The following GPR158 variants were observed in gnomAD, a reference collection of about 807,000 sequenced individuals.
GPR158 encodes the protein metabotropic glycine receptor.
In GPR158, 30 loss-of-function variants were observed where a neutral mutation model predicts 78.2. The observed-to-expected ratio is 0.38, with a 90% CI of 0.29 to 0.52. GPR158 has a LOEUF of 0.52. Among genes scored for constraint, GPR158 ranks in the 20% least tolerant of loss-of-function variants. The pLI, the probability that GPR158 is intolerant of heterozygous loss-of-function variation, is 0.83. For missense variants in GPR158, 1,463 were observed against 1,523.5 expected (o/e 0.96, Z 0.66); for synonymous variants, 581 against 591.1 (o/e 0.98, Z 0.25).
chr10:25,426,510 A>G (rs1423692513), intron 4 of GPR158, among the ~76,000 whole-genome samples: 3 of 152,072 alleles, frequency 2.0e-5, no homozygotes, highest in Non-Finnish European at 4.4e-5. Flanking sequence ...AGACCATTGT[A>G]TGGTTATTAA....
At chr10:25,578,859 A>T (rs1023647198) in intron 7 of GPR158, among the ~76,000 whole-genome samples, 2 of 151,968 alleles carry the variant, frequency 1.3e-5, no homozygotes, top group African/African-American at 4.8e-5. Flanking sequence ...TACAAAAAAA[A>T]TTAGCTGGGC....
intron 2 of GPR158, among the ~76,000 whole-genome samples, chr10:25,229,944 C>G (rs1007418516): frequency 2.0e-5 from 3 of 152,024 alleles, no homozygotes; most frequent in Non-Finnish European, 4.4e-5. Flanking sequence ...AAGTCTAAGG[C>G]TATATATTAG....
intron 1 of GPR158, among the ~76,000 whole-genome samples, chr10:25,214,019 G>A (rs1853170861): frequency 1.3e-5 from 2 of 151,998 alleles, no homozygotes; most frequent in African/African-American, 4.8e-5. Flanking sequence ...TTTTGAGATG[G>A]AGTCTCGCTC....
At chr10:25,211,798 T>C (rs1343940433) in intron 1 of GPR158, among the ~76,000 whole-genome samples, 1 of 152,222 alleles carries the variant, frequency 6.6e-6, no homozygotes, top group East Asian at 1.9e-4. Context: ...TGGGTAGTGA[T>C]CCACTTATTA....
chr10:25,535,797 C>T (rs527402994), intron 5 of GPR158, among the ~76,000 whole-genome samples: 4 of 152,150 alleles, frequency 2.6e-5, no homozygotes, highest in African/African-American at 9.7e-5. Context: ...CTCTCTATAC[C>T]CCATTCTCAA....
chr10:25,349,344 C>T (rs1362805397), intron 2 of GPR158, among the ~76,000 whole-genome samples: 1 of 151,974 alleles, frequency 6.6e-6, no homozygotes, highest in Non-Finnish European at 1.5e-5. Context: ...CTCAACTCCT[C>T]ATCTCAAGAT....
chr10:25,400,388 T>A (rs910667536), intron 3 of GPR158, among the ~76,000 whole-genome samples: 2 of 152,274 alleles, frequency 1.3e-5, no homozygotes, highest in African/African-American at 4.8e-5. Flanking sequence ...GACTTAAAAA[T>A]TCTGTTAAAA....
chr10:25,328,927 CAAAAA>C (rs3054026), intron 2 of GPR158, among the ~76,000 whole-genome samples: 36,491 of 89,050 alleles, frequency 0.41, 3,387 homozygotes, highest in Middle Eastern at 0.53. Context: ...AACTTCATCA[CAAAAA>C]AAAAAAAAAA....
intron 4 of GPR158, among the ~76,000 whole-genome samples, chr10:25,434,393 ATATGC>A (rs1834968667): frequency 1.3e-5 from 2 of 152,220 alleles, no homozygotes; most frequent in African/African-American, 2.4e-5. Flanking sequence ...TACTTATCAA[ATATGC>A]TAAAAAAGAG....
chr10:25,340,993 T>C (rs1855295258), intron 2 of GPR158, among the ~76,000 whole-genome samples: 1 of 152,016 alleles, frequency 6.6e-6, no homozygotes, highest in South Asian at 2.1e-4. Context: ...TTTTAGGAGC[T>C]ATAGTAAGAG....
At chr10:25,555,689 A>G (rs568419275) in intron 6 of GPR158, among the ~76,000 whole-genome samples, 2 of 152,254 alleles carry the variant, frequency 1.3e-5, no homozygotes, top group South Asian at 4.1e-4. Context: ...CCTATTTCCT[A>G]TAATATGGTT....
At chr10:25,373,561 G>A (rs528536235) in intron 2 of GPR158, among the ~76,000 whole-genome samples, 4 of 151,790 alleles carry the variant, frequency 2.6e-5, no homozygotes, top group South Asian at 4.2e-4. Flanking sequence ...TGAATTTAGG[G>A]CGATAAATTT....
intron 1 of GPR158, among the ~76,000 whole-genome samples, chr10:25,199,285 T>C (rs1303957583): frequency 1.3e-5 from 2 of 152,102 alleles, no homozygotes; most frequent in African/African-American, 2.4e-5. Context: ...TAGTACCTGA[T>C]AGGTAGTTTT....
intron 5 of GPR158, among the ~76,000 whole-genome samples, chr10:25,484,888 G>C (rs1052346924): frequency 1.3e-5 from 2 of 152,168 alleles, no homozygotes; most frequent in African/African-American, 4.8e-5. Flanking sequence ...TTAATTAAAA[G>C]GCTAACAATC....
chr10:25,381,903 C>T (rs1272316029), intron 2 of GPR158, among the ~76,000 whole-genome samples: 1 of 152,118 alleles, frequency 6.6e-6, no homozygotes, highest in Admixed American at 6.5e-5. Flanking sequence ...ATAACAGGTC[C>T]AATTTTTGTT....
chr10:25,285,408 G>A (rs1471809717), intron 2 of GPR158, among the ~76,000 whole-genome samples: 1 of 152,060 alleles, frequency 6.6e-6, no homozygotes, highest in East Asian at 1.9e-4. Context: ...TGTTCTCTAA[G>A]CTGGAGACCC....
At chr10:25,495,733 T>C (rs1451347064) in intron 5 of GPR158, among the ~76,000 whole-genome samples, 1 of 152,184 alleles carries the variant, frequency 6.6e-6, no homozygotes, top group African/African-American at 2.4e-5. Context: ...CAGAGATTAG[T>C]GGAGATTCCC....
At chr10:25,266,765 G>A (rs1384962050) in intron 2 of GPR158, among the ~76,000 whole-genome samples, 1 of 152,052 alleles carries the variant, frequency 6.6e-6, no homozygotes, top group Admixed American at 6.6e-5. Context: ...AATGCTGTGA[G>A]CAGTTTTATA....
chr10:25,206,159 G>A (rs879272871), intron 1 of GPR158, among the ~76,000 whole-genome samples: 2 of 151,846 alleles, frequency 1.3e-5, no homozygotes, highest in East Asian at 3.9e-4. Flanking sequence ...CTAATTTTTT[G>A]TATTTTTTTA....
Sources: allele counts gnomAD v4.1 joint callset (sites outside exome capture counted in the v4.1 genomes callset), GRCh38; gene constraint gnomAD v4.1.1; transcripts MANE v1.5; gene names NCBI Gene and HGNC (gene_info 2026-07-23, HGNC 2026-07-21).